CNTNAP2: variants seen among roughly 807,000 people sequenced by gnomAD.
CNTNAP2 encodes contactin-associated protein-like 2.
A neutral mutation model predicts 155.2 loss-of-function variants in CNTNAP2; 98 were observed. That is an observed-to-expected ratio of 0.63 (90% CI 0.54 to 0.75). The LOEUF is 0.75. CNTNAP2 is among the 30% of genes least tolerant of loss of function. The probability of loss-of-function intolerance (pLI) is 0.00; values close to 1 mark genes in which losing one functional copy is unlikely to be tolerated. For synonymous variants in CNTNAP2, 651 were observed against 631.2 expected, an observed-to-expected ratio of 1.03 and a Z score of -0.47; for missense variants, 1,727 against 1,688.1, an observed-to-expected ratio of 1.02 and a Z score of -0.40.
At chr7:148,174,049 G>A (rs1472598695) in intron 18 of CNTNAP2, among the ~76,000 whole-genome samples, 1 of 152,150 alleles carries the variant, frequency 6.6e-6, no homozygotes, top group Non-Finnish European at 1.5e-5. Flanking sequence ...GTGAAATGAC[G>A]CCTGTGTGTT....
chr7:146,545,286 G>A (rs912875055), intron 1 of CNTNAP2, among the ~76,000 whole-genome samples: 31 of 151,806 alleles, frequency 2.0e-4, no homozygotes, highest in African/African-American at 6.5e-4. Flanking sequence ...ATCAGCTACC[G>A]TGAACTGTTC....
chr7:147,914,866 T>A (rs1488897461), intron 14 of CNTNAP2, among the ~76,000 whole-genome samples: 1 of 152,160 alleles, frequency 6.6e-6, no homozygotes, highest in East Asian at 1.9e-4. Flanking sequence ...ATTTCTCTAA[T>A]GTGTATAATC....
intron 13 of CNTNAP2, among the ~76,000 whole-genome samples, chr7:147,764,410 A>G (rs887527920): frequency 1.3e-5 from 2 of 151,922 alleles, no homozygotes; most frequent in African/African-American, 4.8e-5. Context: ...ACCTAATTTC[A>G]CTCTTGAGGC....
chr7:146,821,798 C>T (rs1378148415), intron 2 of CNTNAP2, among the ~76,000 whole-genome samples: 2 of 151,674 alleles, frequency 1.3e-5, no homozygotes, highest in African/African-American at 2.4e-5. Flanking sequence ...GTTAGAATGG[C>T]AATCATTAAA....
At position 147,313,194 on chromosome 7, in the gene CNTNAP2, T is replaced by A. The variant is rs191686115; in HGVS notation, c.1498+12904T>A. Among the ~76,000 whole-genome samples, 749 of 152,108 alleles carry A rather than the reference T, an allele frequency of 4.9e-3. 7 individuals carry two copies. Among genetic ancestry groups the A allele is most frequent in the African/African-American group, 0.017 (715 of 41,466 alleles). On this transcript the variant is annotated intron_variant, in intron 9 of 23. Transcript: ENST00000361727. ...GTCAGATGAGCAGGTTGCAAAACTT[T>A]TCTCCCACTTTGTAGGTTCCCATCC...
chr7:147,034,363 T>C (rs10480369), intron 3 of CNTNAP2, among the ~76,000 whole-genome samples: 64,061 of 152,014 alleles, frequency 0.42, 13,799 homozygotes, highest in South Asian at 0.48. Context: ...TGTGGCTCAC[T>C]TCTTCAGTGC....
intron 10 of CNTNAP2, among the ~76,000 whole-genome samples, chr7:147,408,736 C>T (rs1017640104): frequency 1.1e-4 from 17 of 152,070 alleles, no homozygotes; most frequent in Non-Finnish European, 2.1e-4. Context: ...CCAGCCTGGG[C>T]GACAGAGCGA....
intron 13 of CNTNAP2, among the ~76,000 whole-genome samples, chr7:147,727,308 G>A (rs887960566): frequency 2.6e-5 from 4 of 151,920 alleles, no homozygotes; most frequent in African/African-American, 9.7e-5. Context: ...ATACCTTTCT[G>A]AGAGTAGAAT....
intron 3 of CNTNAP2, among the ~76,000 whole-genome samples, chr7:146,894,030 A>G (rs551988796): frequency 1.3e-3 from 201 of 152,312 alleles, no homozygotes; most frequent in African/African-American, 4.1e-3. Context: ...TACTGCCTAT[A>G]GAAACTGTGA....
intron 1 of CNTNAP2, among the ~76,000 whole-genome samples, chr7:146,379,785 C>CA (rs1795355738): frequency 6.6e-6 from 1 of 151,850 alleles, no homozygotes; most frequent in African/African-American, 2.4e-5. Context: ...GCATGTGGGA[C>CA]GATAATTTGG....
chr7:146,472,016 A>C (rs137916921), intron 1 of CNTNAP2, among the ~76,000 whole-genome samples: 2 of 152,326 alleles, frequency 1.3e-5, no homozygotes, highest in East Asian at 3.9e-4. Context: ...TAGTGAAAAT[A>C]AAAGCTCTCA....
At chr7:147,832,563 T>TAAA (rs1758550117) in intron 13 of CNTNAP2, among the ~76,000 whole-genome samples, 1 of 146,218 alleles carries the variant, frequency 6.8e-6, no homozygotes, top group East Asian at 2.0e-4. Context: ...TATTGAAATA[T>TAAA]ATTATATTGA....
intron 1 of CNTNAP2, among the ~76,000 whole-genome samples, chr7:146,265,995 C>A (rs938915144): frequency 6.6e-6 from 1 of 151,828 alleles, no homozygotes; most frequent in Non-Finnish European, 1.5e-5. Context: ...CTCCCAGCCT[C>A]GCTTGCAATT....
intron 21 of CNTNAP2, among the ~76,000 whole-genome samples, chr7:148,316,359 A>AAG (rs397701642): frequency 6.6e-6 from 1 of 151,346 alleles, no homozygotes; most frequent in Non-Finnish European, 1.5e-5. Flanking sequence ...TAAAAAAAAA[A>AAG]GAAATGGGAA....
At chr7:147,015,070 T>C (rs1476142531) in intron 3 of CNTNAP2, among the ~76,000 whole-genome samples, 1 of 152,002 alleles carries the variant, frequency 6.6e-6, no homozygotes, top group Non-Finnish European at 1.5e-5. Context: ...TGAATGTTTA[T>C]GGATGCTTTT....
At chr7:146,978,824 C>A (rs1199940970) in intron 3 of CNTNAP2, among the ~76,000 whole-genome samples, 1 of 151,952 alleles carries the variant, frequency 6.6e-6, no homozygotes, top group Non-Finnish European at 1.5e-5. Flanking sequence ...AAGTGTCCAG[C>A]CTTTCAAGTA....
chr7:147,661,249 C>T (rs1024209489), intron 13 of CNTNAP2, among the ~76,000 whole-genome samples: 3 of 151,024 alleles, frequency 2.0e-5, no homozygotes, highest in Admixed American at 6.6e-5. Flanking sequence ...TAGAGAATGC[C>T]GTGTCATTTT....
At chr7:146,988,480 A>C (rs547136291) in intron 3 of CNTNAP2, among the ~76,000 whole-genome samples, 8 of 152,286 alleles carry the variant, frequency 5.3e-5, no homozygotes, top group African/African-American at 1.9e-4. Flanking sequence ...ATAGCCTGAT[A>C]TCCTTTGAAA....
At chr7:146,956,834 C>A (rs527462556) in intron 3 of CNTNAP2, among the ~76,000 whole-genome samples, 1 of 151,846 alleles carries the variant, frequency 6.6e-6, no homozygotes, top group African/African-American at 2.4e-5. Flanking sequence ...GGAAGAGTAA[C>A]GAAACAAGAA....
Sources: allele counts gnomAD v4.1 joint callset (sites outside exome capture counted in the v4.1 genomes callset), GRCh38; gene constraint gnomAD v4.1.1; transcripts MANE v1.5; gene names NCBI Gene and HGNC (gene_info 2026-07-23, HGNC 2026-07-21).